The following SHTN1 variants were observed in gnomAD, a reference collection of about 807,000 sequenced individuals.
SHTN1 encodes the protein shootin-1.
A neutral mutation model predicts 83.1 loss-of-function variants in SHTN1; 42 were observed. The observed-to-expected ratio is 0.51, with a 90% CI of 0.39 to 0.65. The LOEUF (loss-of-function observed/expected upper bound fraction) is 0.65, where lower values mean the gene tolerates loss of function less well. Ranked by LOEUF, SHTN1 falls within the 30% of genes least tolerant of loss-of-function variation. SHTN1 has a pLI of 0.00. For synonymous variants in SHTN1, 224 were observed against 247.7 expected (o/e 0.90, Z 0.90); for missense variants, 622 against 737.8 (o/e 0.84, Z 1.82).
chr10:117,078,957 CTTTAA>C (rs112567377), intron 1 of SHTN1, among the ~76,000 whole-genome samples: 3,609 of 152,080 alleles, frequency 0.024, 129 homozygotes, highest in African/African-American at 0.079. Context: ...GATGGCCCTG[CTTTAA>C]TTTATGATAT....
chr10:117,014,386 T>C (rs1296049620), intron 2 of SHTN1, among the ~76,000 whole-genome samples: 3 of 152,316 alleles, frequency 2.0e-5, no homozygotes, highest in East Asian at 1.9e-4. Context: ...TATATGACAT[T>C]ACCTTACTGA....
intron 11 of SHTN1, among the ~76,000 whole-genome samples, chr10:116,925,008 G>A (rs531940556): frequency 1.9e-4 from 29 of 152,018 alleles, no homozygotes; most frequent in African/African-American, 5.5e-4. Flanking sequence ...CGCCCGCCTC[G>A]GCCTCCCAAA....
intron 1 of SHTN1, among the ~76,000 whole-genome samples, chr10:117,000,475 AACCAATT>A (rs1313433814): frequency 1.3e-5 from 2 of 152,304 alleles, no homozygotes; most frequent in African/African-American, 4.8e-5. Context: ...ATTGCTTTAA[AACCAATT>A]ACCTCACCAT....
At position 116,886,238 on chromosome 10, in the gene SHTN1, A is replaced by G; in HGVS notation, c.*106T>C. The G allele has an allele frequency of 6.9e-7, 1 of 1,457,586 alleles. No homozygotes were observed. Among genetic ancestry groups the G allele is most frequent in the Non-Finnish European group, 9.2e-7 (1 of 1,081,628 alleles). 90.3% of individuals were successfully genotyped at this position (1,457,586 alleles called of 1,614,324 possible). A position where few individuals can be genotyped will look rare whatever the true frequency, so the allele number is the denominator to read the frequency against. On this transcript the variant is annotated 3_prime_UTR_variant, in exon 17 of 17. Coordinates refer to ENST00000355371, the MANE Select transcript of SHTN1 (RefSeq NM_001127211.3). ...CACCAGAAAAGAACCTGTATTCTGA[A>G]TACAGTGACCAGAGCAGAATGTCTA...
At chr10:117,076,574 C>T (rs1589921737) in intron 1 of SHTN1, among the ~76,000 whole-genome samples, 1 of 152,102 alleles carries the variant, frequency 6.6e-6, no homozygotes. Flanking sequence ...TACCATAATT[C>T]CATATAAAGT....
chr10:117,124,211 C>CAA (rs779250492), intron 1 of SHTN1, among the ~76,000 whole-genome samples: 4 of 65,888 alleles, frequency 6.1e-5, no homozygotes, highest in Non-Finnish European at 9.4e-5. Flanking sequence ...GATTATGTCT[C>CAA]AAAAAAAAAA....
intron 16 of SHTN1, among the ~76,000 whole-genome samples, chr10:116,896,376 T>A (rs1260219509): frequency 1.1e-4 from 16 of 152,250 alleles, no homozygotes; most frequent in East Asian, 1.9e-4. Context: ...TTACTCAACA[T>A]CCCAGAATGT....
chr10:117,079,124 T>C (rs1434945796), intron 1 of SHTN1, among the ~76,000 whole-genome samples: 1 of 151,652 alleles, frequency 6.6e-6, no homozygotes, highest in African/African-American at 2.4e-5. Context: ...CATGCTGGTG[T>C]GCTGCACCCA....
At chr10:117,082,975 T>C (rs1853292848) in intron 1 of SHTN1, among the ~76,000 whole-genome samples, 1 of 150,804 alleles carries the variant, frequency 6.6e-6, no homozygotes, top group South Asian at 2.2e-4. Flanking sequence ...CTGATGGGTC[T>C]TGACTCTTTA....
At chr10:117,021,479 T>A (rs1484612210) in intron 2 of SHTN1, among the ~76,000 whole-genome samples, 1 of 152,192 alleles carries the variant, frequency 6.6e-6, no homozygotes, top group African/African-American at 2.4e-5. Flanking sequence ...CTTAGTGAAA[T>A]GTAAAATGGT....
intron 16 of SHTN1, among the ~76,000 whole-genome samples, chr10:116,887,555 C>T (rs1258401663): frequency 6.6e-6 from 1 of 152,122 alleles, no homozygotes; most frequent in Non-Finnish European, 1.5e-5. Flanking sequence ...CAGTGCCTGC[C>T]CACTGCTCTA....
At chr10:117,103,350 C>T (rs1321248061) in intron 1 of SHTN1, among the ~76,000 whole-genome samples, 1 of 151,892 alleles carries the variant, frequency 6.6e-6, no homozygotes, top group East Asian at 1.9e-4. Context: ...CTCAGCTTCC[C>T]AAAGTTCTGG....
At chr10:116,973,892 T>C in intron 2 of SHTN1, 3 of 1,285,604 alleles carry the variant, frequency 2.3e-6, no homozygotes, top group South Asian at 1.2e-5. Flanking sequence ...GAAAGGACCA[T>C]CAATTCATTT....
chr10:116,964,991 A>AT (rs1476957733), intron 3 of SHTN1, among the ~76,000 whole-genome samples: 2 of 152,144 alleles, frequency 1.3e-5, no homozygotes, highest in Admixed American at 6.5e-5. Flanking sequence ...AAATAAATAA[A>AT]AAGATATGAA....
chr10:117,088,146 A>G (rs1041635641), intron 1 of SHTN1, among the ~76,000 whole-genome samples: 1 of 152,184 alleles, frequency 6.6e-6, no homozygotes, highest in Non-Finnish European at 1.5e-5. Flanking sequence ...CAAAATGTGA[A>G]TTTTGCATTT....
chr10:116,897,912 G>A (rs959186063), intron 16 of SHTN1, among the ~76,000 whole-genome samples: 4 of 152,016 alleles, frequency 2.6e-5, no homozygotes, highest in African/African-American at 9.7e-5. Context: ...TCCCCCTCCC[G>A]TCTACAGGCT....
intron 1 of SHTN1, among the ~76,000 whole-genome samples, chr10:117,065,812 G>A (rs1428598274): frequency 5.1e-5 from 4 of 77,952 alleles, no homozygotes; most frequent in Admixed American, 2.7e-4. Context: ...AAGGAAGGAA[G>A]GAAGGAAGGA....
chr10:116,999,211 G>A (rs540548177), intron 1 of SHTN1, among the ~76,000 whole-genome samples: 9 of 152,148 alleles, frequency 5.9e-5, no homozygotes, highest in South Asian at 2.1e-4. Context: ...ATTGTGGTAC[G>A]TCTGTACATT....
At chr10:116,986,615 GGCT>G in intron 1 of SHTN1, among the ~76,000 whole-genome samples, 1 of 152,056 alleles carries the variant, frequency 6.6e-6, no homozygotes, top group East Asian at 1.9e-4. Context: ...AGAGTGCAGT[GGCT>G]CAACCTGTAA....
Sources: gnomAD v4.1 joint callset for allele counts (sites outside exome capture counted in the v4.1 genomes callset) on GRCh38, gnomAD v4.1.1 for gene constraint, MANE v1.5 for transcripts, NCBI Gene and HGNC (gene_info 2026-07-23, HGNC 2026-07-21) for gene names.